PRRC2B: variants seen among roughly 807,000 people sequenced by gnomAD.
The protein encoded by PRRC2B is protein PRRC2B.
PRRC2B carries 68 observed loss-of-function variants against 242.3 expected under a neutral mutation model. The observed-to-expected ratio is 0.28, with a 90% confidence interval of 0.23 to 0.34. The LOEUF is 0.34. PRRC2B is among the 10% of genes least tolerant of loss of function. The pLI is 1.00. For missense variants in PRRC2B, 2,835 were observed against 2,954.8 expected (o/e 0.96, Z 0.94); for synonymous variants, 1,228 against 1,173.6 (o/e 1.05, Z -0.95).
chr9:131,478,594 G>A lies in PRRC2B; in HGVS notation c.4733G>A (p.Arg1578Lys). 1 of 1,339,368 alleles carries A rather than the reference G, an allele frequency of 7.5e-7. No individual in the cohort carries two copies. Among genetic ancestry groups the A allele is most frequent in the East Asian group, 4.7e-5 (1 of 21,302 alleles). 83.0% of individuals were successfully genotyped at this position (1,339,368 alleles called of 1,614,324 possible). Reference sequence around the variant, plus strand: ...CAGCGCCGCCTGCTGGAGGAAGAGAGAAGAAAGAAGGAGCAGGCCGTGCAG... The same window carrying A: ...CAGCGCCGCCTGCTGGAGGAAGAGAAAAGAAAGAAGGAGCAGGCCGTGCAG... ...KKQRRLLEEE[R>K]RKKEQAVQVP... The change falls in exon 18 of 32, where the codon AGA (arginine) becomes AAA (lysine). Residue 1578 changes from arginine to lysine, a missense_variant. Physicochemically the swap from Arg to Lys is conservative, Grantham distance 26. Coordinates refer to ENST00000683519, the MANE Select transcript of PRRC2B (RefSeq NM_013318.4).
At position 131,495,965 on chromosome 9, in the gene PRRC2B, C is replaced by A; in HGVS notation, c.*91C>A. The A allele has an allele frequency of 6.5e-7, 1 of 1,536,924 alleles. No homozygotes were observed. The highest frequency in any genetic ancestry group is 8.8e-7 in the Non-Finnish European group (1 of 1,134,604). ...CCGACACTCGGGAGCCTCACCAGAT[C>A]CACCGTCCAAATGCGTGGCCCAGAC... On this transcript the variant is annotated 3_prime_UTR_variant, in exon 32 of 32. Transcript: ENST00000683519.
chr9:131,469,078 G>A (rs1943471432), intron 13 of PRRC2B, among the ~76,000 whole-genome samples: 2 of 152,172 alleles, frequency 1.3e-5, no homozygotes, highest in Non-Finnish European at 1.5e-5. Context: ...GGTGGCTCAC[G>A]CCTGTAATCC....
At chr9:131,471,861 G>A (rs1451876499) in intron 14 of PRRC2B, among the ~76,000 whole-genome samples, 1 of 152,192 alleles carries the variant, frequency 6.6e-6, no homozygotes, top group Non-Finnish European at 1.5e-5. Flanking sequence ...AGTTGAGCAT[G>A]CTAATTGTGT....
rs375806606 is a variant in PRRC2B, at chr9:131,464,731, A to G, written c.1405-32A>G. 46 of 1,539,250 alleles carry G rather than the reference A, an allele frequency of 3.0e-5. 1 individual carries two copies. The African/African-American group carries it at 5.5e-4, about 18-fold the overall frequency. ...TTCCTGTATCCCGGGTCCCGGACCCACCGCCTTATCTCAGAGACATTCTCT... is the reference window on the plus strand; with the variant it reads ...TTCCTGTATCCCGGGTCCCGGACCCGCCGCCTTATCTCAGAGACATTCTCT... On this transcript the variant is annotated intron_variant, in intron 11 of 31. Transcript: ENST00000683519.
At chr9:131,414,496 T>C in intron 1 of PRRC2B, among the ~76,000 whole-genome samples, 1 of 149,820 alleles carries the variant, frequency 6.7e-6, no homozygotes, top group Non-Finnish European at 1.5e-5. Context: ...CCATCCTGTT[T>C]GTTCCTCCAG....
Position 131,488,039 on chromosome 9 carries a change from G to C in PRRC2B, c.6168G>C (p.Gln2056His), listed in dbSNP as rs371984567. The change falls in exon 28 of 32, where the codon CAG becomes CAC. Residue 2056 changes from glutamine to histidine, a missense_variant. By Grantham distance (24) the Gln-to-His change is conservative. Coordinates refer to ENST00000683519, the MANE Select transcript of PRRC2B (RefSeq NM_013318.4). ...SGNQALVYEGQLSQAAGLGAS... is the reference protein window; with the variant it reads ...SGNQALVYEGHLSQAAGLGAS... ...ACCAAGCCCTGGTCTACGAGGGCCA[G>C]CTCAGCCAGGCTGCTGGCCTGGGTG... 1.9e-6 allele frequency: 3 copies of C among 1,612,954 alleles called. No homozygotes were observed. The highest frequency in any genetic ancestry group is 2.7e-5 in the African/African-American group (2 of 74,900).
intron 31 of PRRC2B, among the ~76,000 whole-genome samples, chr9:131,495,021 A>G (rs187503889): frequency 6.6e-6 from 1 of 152,262 alleles, no homozygotes; most frequent in East Asian, 1.9e-4. Flanking sequence ...GTGGGTTTTT[A>G]ATCAGTCACT....
rs530126642 is a variant in PRRC2B at position 131,425,947 on chromosome 9, T to C, written c.-51-4147T>C. ...TCGCTTGAACCTAGGAGGCAGAGGT[T>C]GCAGTGAGCCGAGATCATGCCACTG... is the stretch of plus-strand genomic sequence containing the variant. On this transcript the variant is annotated intron_variant, in intron 1 of 31. Transcript: ENST00000683519. Among the ~76,000 whole-genome samples the C allele has an allele frequency of 1.2e-3, 186 of 151,718 alleles. 1 individual carries two copies. The highest frequency in any genetic ancestry group is 3.9e-3 in the African/African-American group (161 of 41,406).
chr9:131,455,956 T>C (rs1337669785), intron 10 of PRRC2B, among the ~76,000 whole-genome samples: 2 of 151,898 alleles, frequency 1.3e-5, no homozygotes, highest in African/African-American at 4.8e-5. Context: ...CTACTAAAAG[T>C]ACAAAAATTA....
intron 5 of PRRC2B, among the ~76,000 whole-genome samples, chr9:131,441,218 A>G (rs1029603500): frequency 1.3e-5 from 2 of 152,242 alleles, no homozygotes; most frequent in Non-Finnish European, 2.9e-5. Context: ...AAAAATCTCC[A>G]GAAGGTAACA....
chr9:131,388,967 A>G (rs965697528), intron 1 of PRRC2B, among the ~76,000 whole-genome samples: 5 of 148,658 alleles, frequency 3.4e-5, no homozygotes, highest in African/African-American at 1.2e-4. Context: ...CGTCCTTCCA[A>G]GTAGCTGGGA....
At chr9:131,396,102 A>G (rs901072142) in intron 1 of PRRC2B, among the ~76,000 whole-genome samples, 2 of 152,182 alleles carry the variant, frequency 1.3e-5, no homozygotes, top group Non-Finnish European at 2.9e-5. Context: ...AATGGGAATA[A>G]TTATGCCTGC....
intron 1 of PRRC2B, among the ~76,000 whole-genome samples, chr9:131,419,871 C>G (rs779310064): frequency 6.6e-6 from 1 of 151,590 alleles, no homozygotes; most frequent in Non-Finnish European, 1.5e-5. Context: ...GGACTTGACC[C>G]TGGCGCGGTG....
intron 1 of PRRC2B, among the ~76,000 whole-genome samples, chr9:131,399,466 A>C (rs1320917508): frequency 6.6e-6 from 1 of 150,990 alleles, no homozygotes; most frequent in Non-Finnish European, 1.5e-5. Context: ...GTAGTCCCAG[A>C]TACTCAGGAG....
At position 131,497,278 on chromosome 9, in the gene PRRC2B, T is replaced by G. The variant is rs1369947985; in HGVS notation, c.*1404T>G. 2 of 152,202 alleles carry G rather than the reference T, an allele frequency of 1.3e-5. No homozygotes were observed. The highest frequency in any genetic ancestry group is 2.9e-5 in the Non-Finnish European group (2 of 68,042). 9.4% of individuals were successfully genotyped at this position (152,202 alleles called of 1,614,324 possible). A position where few individuals can be genotyped will look rare whatever the true frequency, so the allele number is the denominator to read the frequency against. ...CTGCGCAGCCTCCGGGAGGGCAGCT[T>G]CTCCAGCCAGAGGCTTGTGTGAGCC... On this transcript the variant is annotated 3_prime_UTR_variant, in exon 32 of 32. Transcript: ENST00000683519.
At chr9:131,466,533 T>G (rs1300658871) in intron 12 of PRRC2B, among the ~76,000 whole-genome samples, 1 of 152,222 alleles carries the variant, frequency 6.6e-6, no homozygotes, top group Non-Finnish European at 1.5e-5. Flanking sequence ...CAGCAGGAAG[T>G]CATACACAGC....
At position 131,499,989 on chromosome 9, in the gene PRRC2B, G is replaced by C. The variant is rs1944423207; in HGVS notation, c.*4115G>C. On this transcript the variant is annotated 3_prime_UTR_variant, in exon 32 of 32. Transcript: ENST00000683519. ...GGCAGACGATGGCTAGAGGTGTAAT[G>C]TGCAGCTTGTTTATACGGTATTTTG... 6.6e-6 allele frequency: 1 copy of C among 152,206 alleles called. No homozygotes were observed. Among genetic ancestry groups the C allele is most frequent in the Non-Finnish European group, 1.5e-5 (1 of 68,040 alleles). The allele number at this position is 152,206 out of a possible 1,614,324, so 9.4% of individuals were successfully genotyped here. A position where few individuals can be genotyped will look rare whatever the true frequency, so the allele number is the denominator to read the frequency against.
rs1294705883 is a variant in PRRC2B at position 131,499,542 on chromosome 9, C to T, written c.*3668C>T. 6.6e-6 allele frequency: 1 copy of T among 152,268 alleles called. No homozygotes were observed. Among genetic ancestry groups the T allele is most frequent in the Non-Finnish European group, 1.5e-5 (1 of 68,062 alleles). The allele number at this position is 152,268 out of a possible 1,614,324, so 9.4% of individuals were successfully genotyped here. On this transcript the variant is annotated 3_prime_UTR_variant, in exon 32 of 32. Transcript: ENST00000683519. ...TCTTCTGAAATGTGACGGACCTAAG[C>T]AGGAAGTCATCCAGGACAGGAGTGG...
rs1353268759 is a variant in PRRC2B, at chr9:131,474,577, T to G, written c.2448T>G (p.Phe816Leu). 2 of 1,613,964 alleles carry G rather than the reference T, an allele frequency of 1.2e-6. No individual in the cohort carries two copies. Among genetic ancestry groups the G allele is most frequent in the Admixed American group, 1.7e-5 (1 of 60,022 alleles). The change falls in exon 16 of 32, where the codon TTT becomes TTG. Residue 816 changes from phenylalanine (F) to leucine (L), a missense_variant. Around this residue, in one of 7 missense-constraint regions of PRRC2B, gnomAD observed 1,536 missense variants for 1,483.1 expected, o/e 1.04. Coordinates refer to ENST00000683519, the MANE Select transcript of PRRC2B (RefSeq NM_013318.4). ...TTGACAAGAAGGCCCAAGCAGACTT[T>G]GACAGCTGTATCTCTTCTCAAAGAA... ...SAFDKKAQADFDSCISSQRIG... is the reference protein window; with the variant it reads ...SAFDKKAQADLDSCISSQRIG...
Sources: allele counts gnomAD v4.1 joint callset (sites outside exome capture counted in the v4.1 genomes callset), GRCh38; gene constraint gnomAD v4.1.1; regional missense constraint gnomAD v4.1.1; transcripts MANE v1.5; gene names NCBI Gene and HGNC (gene_info 2026-07-23, HGNC 2026-07-21).